PPP5C: variants seen among roughly 807,000 people sequenced by gnomAD.
The protein encoded by PPP5C is serine/threonine-protein phosphatase 5.
In PPP5C, 21 loss-of-function variants were observed where a neutral mutation model predicts 66.7. That is an observed-to-expected ratio of 0.31 (90% confidence interval 0.22 to 0.45). PPP5C has a LOEUF of 0.45. Ranked by LOEUF, PPP5C falls within the 20% of genes least tolerant of loss-of-function variation. The probability of loss-of-function intolerance (pLI) is 1.00; values close to 1 mark genes in which losing one functional copy is unlikely to be tolerated. For synonymous variants in PPP5C, 246 were observed against 257.4 expected, an observed-to-expected ratio of 0.96 and a Z score of 0.43; for missense variants, 464 against 675.9, an observed-to-expected ratio of 0.69 and a Z score of 3.48.
At chr19:46,377,047 C>T (rs1170578230) in intron 4 of PPP5C, among the ~76,000 whole-genome samples, 12 of 152,128 alleles carry the variant, frequency 7.9e-5, no homozygotes, top group Admixed American at 7.9e-4. Flanking sequence ...GGACAAGGCC[C>T]CCTGCCCTGA....
intron 11 of PPP5C, among the ~76,000 whole-genome samples, chr19:46,389,400 CA>C (rs1972961209): frequency 1.4e-4 from 3 of 21,148 alleles, no homozygotes; most frequent in South Asian, 2.9e-3. Context: ...CACACACACA[CA>C]CACACACACA....
At position 46,388,432 on chromosome 19, in the gene PPP5C, C is replaced by A; in HGVS notation, c.1160C>A (p.Ser387Ter). ...GGGCCCATGTGTGACCTGCTCTGGTCAGATCCACAGCCACAGGTGAGTCTA... is the reference window on the plus strand; with the variant it reads ...GGGCCCATGTGTGACCTGCTCTGGTAAGATCCACAGCCACAGGTGAGTCTA... ...DSGPMCDLLWSDPQPQNGRSI... is the reference protein window; with the variant it reads ...DSGPMCDLLW Residue 387 changes from serine to a stop codon, truncating the protein, a stop_gained, in exon 10 of 13, where the codon TCA (serine) becomes TAA (stop). Coordinates refer to ENST00000012443, the MANE Select transcript of PPP5C (RefSeq NM_006247.4). LOFTEE classifies it high-confidence loss of function. This position sits in a 1 kb window ranked among gnomAD's most constrained non-coding sequence, Gnocchi z 4.9. 1 of 1,612,468 alleles carries A rather than the reference C, an allele frequency of 6.2e-7. No individual in the cohort carries two copies. Among genetic ancestry groups the A allele is most frequent in the Non-Finnish European group, 8.5e-7 (1 of 1,178,806 alleles).
At chr19:46,362,676 TTTA>T (rs1378328101) in intron 2 of PPP5C, among the ~76,000 whole-genome samples, 1 of 152,172 alleles carries the variant, frequency 6.6e-6, no homozygotes, top group African/African-American at 2.4e-5. Context: ...TTAACCATTT[TTTA>T]TTATTGTACG....
chr19:46,384,742 C>T, intron 6 of PPP5C, 62 bp from the exon 7 acceptor site: 1 of 1,366,732 alleles, frequency 7.3e-7, no homozygotes, highest in Non-Finnish European at 1.0e-6. Flanking sequence ...TGCCACCACC[C>T]CCAACCCCAC....
chr19:46,367,636 G>C (rs1485474803), intron 2 of PPP5C, among the ~76,000 whole-genome samples: 1 of 152,162 alleles, frequency 6.6e-6, no homozygotes, highest in Non-Finnish European at 1.5e-5. Flanking sequence ...TTATGAGGGG[G>C]CCCCGGCATC....
intron 1 of PPP5C, among the ~76,000 whole-genome samples, chr19:46,351,085 TG>T (rs1245987263): frequency 6.6e-6 from 1 of 151,876 alleles, no homozygotes; most frequent in Non-Finnish European, 1.5e-5. Flanking sequence ...AAATGGGGGG[TG>T]GGGGCTTATG....
At chr19:46,386,521 G>C (rs1470728591) in intron 7 of PPP5C, among the ~76,000 whole-genome samples, 3 of 152,076 alleles carry the variant, frequency 2.0e-5, no homozygotes, top group African/African-American at 7.2e-5. Flanking sequence ...CCCAAGCTCT[G>C]GAAGGGAAGA....
At chr19:46,372,423 G>A (rs1313335132) in intron 2 of PPP5C, among the ~76,000 whole-genome samples, 2 of 151,862 alleles carry the variant, frequency 1.3e-5, no homozygotes, top group Admixed American at 6.6e-5. Context: ...ATGTTGTCCA[G>A]GCTGGTCTTG....
intron 4 of PPP5C, among the ~76,000 whole-genome samples, chr19:46,379,120 CT>C (rs1972746551): frequency 6.6e-6 from 1 of 152,230 alleles, no homozygotes; most frequent in Non-Finnish European, 1.5e-5. Flanking sequence ...GTGGCGCAAT[CT>C]CAGCTCACTG....
intron 2 of PPP5C, among the ~76,000 whole-genome samples, chr19:46,373,244 G>A (rs1022179505): frequency 1.3e-5 from 2 of 152,258 alleles, no homozygotes; most frequent in Non-Finnish European, 2.9e-5. Context: ...TGGTGGAAGG[G>A]GAGCCCATCC....
At chr19:46,384,523 G>T in intron 6 of PPP5C, 1 of 398,310 alleles carries the variant, frequency 2.5e-6, no homozygotes, top group South Asian at 2.5e-5. Flanking sequence ...ACTAGTCCCC[G>T]CACCTCCCCG....
chr19:46,376,296 G>C lies in PPP5C; in HGVS notation c.512-157G>C, dbSNP rs563459531. ...AGGGAGGTCAGGAAGAGGCCTCTGG[G>C]CCAGACCTGACCCAGGAGGGGACTC... On this transcript the variant is annotated intron_variant, in intron 3 of 12. Transcript: ENST00000012443. This position sits in a 1 kb window ranked among gnomAD's most constrained non-coding sequence, Gnocchi z 5.1. 5.9e-5 allele frequency among the ~76,000 whole-genome samples: 9 copies of C among 152,200 alleles called. No individual in the cohort carries two copies. The highest frequency in any genetic ancestry group is 1.9e-4 in the African/African-American group (8 of 41,532).
chr19:46,373,866 C>T (rs576046269), intron 2 of PPP5C, among the ~76,000 whole-genome samples: 1 of 152,046 alleles, frequency 6.6e-6, no homozygotes, highest in East Asian at 1.9e-4. Context: ...GGGGCTGAGA[C>T]CTGGAGGAGG....
intron 2 of PPP5C, among the ~76,000 whole-genome samples, chr19:46,371,472 C>T (rs1249443271): frequency 6.6e-6 from 1 of 152,162 alleles, no homozygotes; most frequent in Non-Finnish European, 1.5e-5. Flanking sequence ...TGGAGACTCT[C>T]TTTGTCCCTG....
chr19:46,390,648 C>T lies in PPP5C; in HGVS notation c.*302C>T. On this transcript the variant is annotated 3_prime_UTR_variant, in exon 13 of 13. Transcript: ENST00000012443. ...GGGTGGGGCCGAGTGGCTGCCCTGC[C>T]CCCCTCATTTGCATGGCTCCTCCCC... is the stretch of plus-strand genomic sequence containing the variant. 1 of 1,280,674 alleles carries T rather than the reference C, an allele frequency of 7.8e-7. No homozygotes were observed. Among genetic ancestry groups the T allele is most frequent in the Non-Finnish European group, 1.0e-6 (1 of 1,000,994 alleles). The allele number at this position is 1,280,674 out of a possible 1,614,324, so 79.3% of individuals were successfully genotyped here.
intron 1 of PPP5C, among the ~76,000 whole-genome samples, chr19:46,348,971 A>T (rs1167674248): frequency 1.3e-5 from 2 of 152,094 alleles, no homozygotes; most frequent in Non-Finnish European, 2.9e-5. Flanking sequence ...TGCAGCCAGG[A>T]GGTGCTGAAG....
chr19:46,350,665 C>T (rs939634297), intron 1 of PPP5C, among the ~76,000 whole-genome samples: 6 of 152,152 alleles, frequency 3.9e-5, no homozygotes, highest in Admixed American at 2.6e-4. Flanking sequence ...TGGCCAGGTA[C>T]GCTGTGGGGT....
At position 46,384,912 on chromosome 19, in the gene PPP5C, G is replaced by T; in HGVS notation, c.904+3G>T. Reference sequence around the variant, plus strand: ...AGATCACTTTCACCTCCTTCGAGGTGAGCTGGGAAGTGACAAGGTTTGGGT... The same window carrying T: ...AGATCACTTTCACCTCCTTCGAGGTTAGCTGGGAAGTGACAAGGTTTGGGT... On this transcript the variant is annotated splice_donor_region_variant and intron_variant, in intron 7 of 12. Coordinates refer to ENST00000012443, the MANE Select transcript of PPP5C (RefSeq NM_006247.4). 1 of 1,609,726 alleles carries T rather than the reference G, an allele frequency of 6.2e-7. No individual in the cohort carries two copies. The highest frequency in any genetic ancestry group is 1.7e-5 in the Admixed American group (1 of 60,018).
rs757034510 is a variant in PPP5C at position 46,384,801 on chromosome 19, C to T, written c.799-3C>T. 5 of 1,611,430 alleles carry T rather than the reference C, an allele frequency of 3.1e-6. No individual in the cohort carries two copies. In the South Asian group the frequency reaches 3.3e-5, roughly 11 times the overall value. On this transcript the variant is annotated splice_region_variant and splice_polypyrimidine_tract_variant and intron_variant, in intron 6 of 12. Transcript: ENST00000012443. The stretch of plus-strand genomic sequence containing the variant: ...GCTTGCCATGTTTTCCTCAGCAGGA[C>T]AGATATTTAATGGTGACTTTGTGGA...
Sources: allele counts gnomAD v4.1 joint callset (sites outside exome capture counted in the v4.1 genomes callset), GRCh38; gene constraint gnomAD v4.1.1; non-coding constraint Gnocchi (gnomAD v3.1); transcripts MANE v1.5; gene names NCBI Gene and HGNC (gene_info 2026-07-23, HGNC 2026-07-21).